LIMA1: variants seen among roughly 807,000 people sequenced by gnomAD.
LIMA1 encodes LIM domain and actin-binding protein 1.
Under a neutral mutation model 62.6 loss-of-function variants are expected in LIMA1, and 52 were observed. That is an observed-to-expected ratio of 0.83 (90% CI 0.67 to 1.05). The LOEUF (loss-of-function observed/expected upper bound fraction) is 1.05. Ranked by LOEUF, LIMA1 falls within the 50% of genes least tolerant of loss-of-function variation. The probability of loss-of-function intolerance (pLI) is 0.00; values close to 1 mark genes in which losing one functional copy is unlikely to be tolerated. For missense variants in LIMA1, 780 were observed against 902.2 expected, an observed-to-expected ratio of 0.86 and a Z score of 1.74; for synonymous variants, 302 against 317.8, an observed-to-expected ratio of 0.95 and a Z score of 0.53.
intron 1 of LIMA1, among the ~76,000 whole-genome samples, chr12:50,278,376 C>T (rs894006818): frequency 6.6e-6 from 1 of 152,076 alleles, no homozygotes; most frequent in East Asian, 1.9e-4. Context: ...GAGCAGAGAT[C>T]GTGCCACTGC....
chr12:50,270,604 CAAA>C (rs150300834), intron 1 of LIMA1, among the ~76,000 whole-genome samples: 21,695 of 68,932 alleles, frequency 0.31, 1,104 homozygotes, highest in South Asian at 0.44. Context: ...GACCTTATCT[CAAA>C]AAAAAAAAAA....
chr12:50,228,518 C>T (rs1248161756), intron 3 of LIMA1, among the ~76,000 whole-genome samples: 2 of 152,200 alleles, frequency 1.3e-5, no homozygotes, highest in Non-Finnish European at 2.9e-5. Flanking sequence ...GCTGGTTACT[C>T]CTTATATCTC....
At chr12:50,258,899 G>A (rs912233085) in intron 1 of LIMA1, among the ~76,000 whole-genome samples, 12 of 151,704 alleles carry the variant, frequency 7.9e-5, no homozygotes, top group African/African-American at 2.7e-4. Flanking sequence ...GCCCACCTCG[G>A]CCCCCCAAAG....
intron 4 of LIMA1, among the ~76,000 whole-genome samples, chr12:50,220,952 GCAAA>G (rs1457517058): frequency 6.6e-6 from 1 of 152,130 alleles, no homozygotes; most frequent in Non-Finnish European, 1.5e-5. Flanking sequence ...AACATGACCC[GCAAA>G]CATTCAAGAA....
chr12:50,238,897 C>A (rs1249511051), intron 2 of LIMA1, among the ~76,000 whole-genome samples: 1 of 150,682 alleles, frequency 6.6e-6, no homozygotes, highest in African/African-American at 2.4e-5. Context: ...ACATTATCAA[C>A]AAAGTGAAAA....
chr12:50,258,735 C>T (rs1942030118), intron 1 of LIMA1, among the ~76,000 whole-genome samples: 2 of 149,650 alleles, frequency 1.3e-5, no homozygotes, highest in African/African-American at 5.0e-5. Flanking sequence ...GCAACCTCTG[C>T]CTCCCGGCTT....
intron 9 of LIMA1, among the ~76,000 whole-genome samples, chr12:50,184,448 C>T (rs1199566341): frequency 6.6e-6 from 1 of 152,168 alleles, no homozygotes; most frequent in East Asian, 1.9e-4. Flanking sequence ...TCCAGAGCAG[C>T]CTGGCCAACA....
At chr12:50,210,765 T>A (rs567827353) in intron 4 of LIMA1, among the ~76,000 whole-genome samples, 158 of 152,150 alleles carry the variant, frequency 1.0e-3, no homozygotes, top group South Asian at 3.3e-3. Flanking sequence ...CCCCCTTACC[T>A]TTTTTTTGAA....
intron 1 of LIMA1, among the ~76,000 whole-genome samples, chr12:50,277,430 A>G (rs989787996): frequency 1.1e-4 from 16 of 152,174 alleles, no homozygotes; most frequent in Admixed American, 9.2e-4. Context: ...TGAGACAGAA[A>G]GTAATTCCAG....
intron 3 of LIMA1, chr12:50,224,475 C>T (rs1216109535): frequency 6.6e-6 from 1 of 152,144 alleles, no homozygotes; most frequent in African/African-American, 2.4e-5. Context: ...CTGGTTCTAC[C>T]CTAACTGCCA....
intron 5 of LIMA1, 21 bp downstream of exon 5, chr12:50,205,963 C>A: frequency 2.5e-6 from 4 of 1,588,778 alleles, no homozygotes; most frequent in Non-Finnish European, 2.6e-6. Context: ...GGACCTCATA[C>A]ACATGGAACT....
chr12:50,185,615 C>T (rs12817211), intron 9 of LIMA1: 61,939 of 393,842 alleles, frequency 0.16, 6,100 homozygotes, highest in Non-Finnish European at 0.22. Context: ...AAATCAGCCT[C>T]ACTCGTATCT....
In LIMA1 at chr12:50,261,621, G is replaced by T. The variant is rs139569001; in HGVS notation, c.-23-12847C>A. Reference sequence around the variant, plus strand: ...TGACCCCTCAAGCTTGGGCTAAAAGGTTCCCTATAAGTTCTCAAAGTATTA... The same window carrying T: ...TGACCCCTCAAGCTTGGGCTAAAAGTTTCCCTATAAGTTCTCAAAGTATTA... On this transcript the variant is annotated intron_variant, in intron 1 of 10. Coordinates refer to ENST00000341247, the MANE Select transcript of LIMA1 (RefSeq NM_016357.5). 2.7e-3 allele frequency among the ~76,000 whole-genome samples: 411 copies of T among 152,150 alleles called. 3 individuals carry two copies. The highest frequency in any genetic ancestry group is 9.3e-3 in the African/African-American group (387 of 41,510).
At chr12:50,210,498 T>G (rs991432139) in intron 4 of LIMA1, among the ~76,000 whole-genome samples, 4 of 152,152 alleles carry the variant, frequency 2.6e-5, no homozygotes, top group Non-Finnish European at 5.9e-5. Flanking sequence ...GATATTTGCT[T>G]TCTGTCAAAG....
intron 8 of LIMA1, 46 bp downstream of exon 8, chr12:50,195,784 T>G (rs761496756): frequency 1.0e-5 from 16 of 1,557,728 alleles, no homozygotes; most frequent in Non-Finnish European, 1.1e-5. Context: ...CAAATACAGA[T>G]AGAAAACAAG....
chr12:50,184,670 TA>T (rs1267097010), intron 9 of LIMA1, among the ~76,000 whole-genome samples: 2 of 152,040 alleles, frequency 1.3e-5, no homozygotes, highest in Admixed American at 6.6e-5. Context: ...GGAGAGATAT[TA>T]AAAAGCAGAA....
chr12:50,238,159 A>C (rs1447387896), intron 2 of LIMA1, among the ~76,000 whole-genome samples: 2 of 152,136 alleles, frequency 1.3e-5, no homozygotes, highest in African/African-American at 2.4e-5. Flanking sequence ...TTGGAATACA[A>C]CACCAAAAGC....
intron 6 of LIMA1, among the ~76,000 whole-genome samples, chr12:50,202,977 T>A (rs116528865): frequency 0.014 from 2,085 of 151,808 alleles, 45 homozygotes; most frequent in African/African-American, 0.048. Context: ...TACATATATA[T>A]GTGAATAAAT....
intron 4 of LIMA1, among the ~76,000 whole-genome samples, chr12:50,216,953 T>C (rs1032012035): frequency 7.2e-5 from 11 of 152,014 alleles, no homozygotes; most frequent in African/African-American, 2.7e-4. Context: ...AACTGAGAAA[T>C]AGGCTTTAAT....
Sources: allele counts gnomAD v4.1 joint callset (sites outside exome capture counted in the v4.1 genomes callset), GRCh38; gene constraint gnomAD v4.1.1; transcripts MANE v1.5; gene names NCBI Gene and HGNC (gene_info 2026-07-23, HGNC 2026-07-21).